Variants in WWOX observed in about 807,000 individuals in gnomAD.
WWOX encodes the protein WW domain-containing oxidoreductase.
A neutral mutation model predicts 46.2 loss-of-function variants in WWOX; 69 were observed. That is an observed-to-expected ratio of 1.49 (90% confidence interval 1.23 to 1.82). The LOEUF is 1.82. WWOX is among the 40% of genes most tolerant of loss of function. The pLI is 0.00. For synonymous variants in WWOX, 359 were observed against 202.6 expected, an observed-to-expected ratio of 1.77 and a Z score of -6.56; for missense variants, 919 against 542.6, an observed-to-expected ratio of 1.69 and a Z score of -6.89.
chr16:78,960,396 G>A (rs1253997871), intron 8 of WWOX, among the ~76,000 whole-genome samples: 1 of 152,196 alleles, frequency 6.6e-6, no homozygotes, highest in Non-Finnish European at 1.5e-5. Context: ...CTGTCCTTCA[G>A]CCATCTAGAC....
chr16:78,632,247 A>G (rs117634019), intron 8 of WWOX, among the ~76,000 whole-genome samples: 42 of 152,284 alleles, frequency 2.8e-4, no homozygotes, highest in Middle Eastern at 3.4e-3. Context: ...TAATACTACT[A>G]GTATTTGCTT....
intron 8 of WWOX, among the ~76,000 whole-genome samples, chr16:78,707,537 C>G (rs2046610812): frequency 6.6e-6 from 1 of 152,140 alleles, no homozygotes; most frequent in South Asian, 2.1e-4. Flanking sequence ...CTTGCCATAT[C>G]AGGAACCGAA....
intron 8 of WWOX, among the ~76,000 whole-genome samples, chr16:78,679,291 C>G (rs1416914347): frequency 6.6e-6 from 1 of 152,190 alleles, no homozygotes; most frequent in Admixed American, 6.5e-5. Context: ...TGGGTTGCGC[C>G]TGTAATCCCA....
At chr16:78,439,101 C>T (rs531071597) in intron 8 of WWOX, among the ~76,000 whole-genome samples, 2 of 152,130 alleles carry the variant, frequency 1.3e-5, no homozygotes, top group African/African-American at 2.4e-5. Flanking sequence ...GGGCAAAGCC[C>T]CCTGTTTGAA....
intron 4 of WWOX, chr16:78,145,943 C>T (rs2034183944): frequency 6.6e-6 from 1 of 152,140 alleles, no homozygotes; most frequent in Admixed American, 6.5e-5. Context: ...CGTAAGATTC[C>T]TGATCTGTTT....
At chr16:79,015,306 G>C (rs1426170497) in intron 8 of WWOX, among the ~76,000 whole-genome samples, 1 of 152,212 alleles carries the variant, frequency 6.6e-6, no homozygotes, top group Non-Finnish European at 1.5e-5. Flanking sequence ...AGATGAAGTT[G>C]AGATGAACAG....
intron 5 of WWOX, among the ~76,000 whole-genome samples, chr16:78,256,149 CAAAAA>C (rs10557567): frequency 3.2e-4 from 21 of 65,464 alleles, no homozygotes; most frequent in Admixed American, 1.2e-3. Flanking sequence ...GACTCCATCT[CAAAAA>C]AAAAAAAAAA....
rs551728913 is a variant in WWOX at position 78,516,533 on chromosome 16, A to G, written c.1056+83781A>G. Among the ~76,000 whole-genome samples, 15 of 152,230 alleles carry G rather than the reference A, an allele frequency of 9.9e-5. No homozygotes were observed. The South Asian group carries it at 3.1e-3, about 32-fold the overall frequency. ...CATCTCTTCAAATATCTGAACTCAGATTTCCTCTGTGATGTTGGAATCTTT... is the reference window on the plus strand; with the variant it reads ...CATCTCTTCAAATATCTGAACTCAGGTTTCCTCTGTGATGTTGGAATCTTT... On this transcript the variant is annotated intron_variant, in intron 8 of 8. Coordinates refer to ENST00000566780, the MANE Select transcript of WWOX (RefSeq NM_016373.4).
intron 5 of WWOX, among the ~76,000 whole-genome samples, chr16:78,248,429 C>T (rs1214243760): frequency 2.0e-5 from 3 of 152,280 alleles, no homozygotes; most frequent in South Asian, 4.1e-4. Context: ...CCACCTCCAA[C>T]GTTAGGGATT....
At chr16:78,557,689 AT>A (rs34068363) in intron 8 of WWOX, among the ~76,000 whole-genome samples, 13,263 of 96,500 alleles carry the variant, frequency 0.14, 496 homozygotes, top group South Asian at 0.18. Flanking sequence ...CTAGGGAAGG[AT>A]TTTTTTTTTT....
intron 5 of WWOX, chr16:78,280,891 T>G (rs1172719872): frequency 1.3e-5 from 2 of 153,130 alleles, no homozygotes; most frequent in Non-Finnish European, 2.9e-5. Flanking sequence ...TTTGGAAAAA[T>G]CGGATTCATC....
At chr16:78,956,547 T>C (rs542156747) in intron 8 of WWOX, among the ~76,000 whole-genome samples, 1 of 152,250 alleles carries the variant, frequency 6.6e-6, no homozygotes, top group East Asian at 1.9e-4. Flanking sequence ...ATATATATTC[T>C]GTGGGTTTTC....
chr16:78,105,453 T>C (rs1465929448), intron 1 of WWOX, among the ~76,000 whole-genome samples: 1 of 134,054 alleles, frequency 7.5e-6, no homozygotes, highest in Non-Finnish European at 1.6e-5. Context: ...AGTGAGACTC[T>C]GTCTCAAAAA....
intron 8 of WWOX, among the ~76,000 whole-genome samples, chr16:78,958,033 T>C (rs1176011769): frequency 6.6e-6 from 1 of 152,244 alleles, no homozygotes; most frequent in Non-Finnish European, 1.5e-5. Flanking sequence ...AGCTGTTTTC[T>C]GGCGCGTGGT....
At chr16:78,875,919 A>G (rs934235045) in intron 8 of WWOX, among the ~76,000 whole-genome samples, 2 of 152,176 alleles carry the variant, frequency 1.3e-5, no homozygotes, top group African/African-American at 2.4e-5. Context: ...GATACCATTT[A>G]GCCTATTAGT....
intron 8 of WWOX, among the ~76,000 whole-genome samples, chr16:78,888,936 C>G (rs1171014047): frequency 3.3e-5 from 5 of 150,238 alleles, no homozygotes; most frequent in Non-Finnish European, 5.9e-5. Flanking sequence ...CCTTTTTCCC[C>G]AAGCCCCATA....
intron 8 of WWOX, among the ~76,000 whole-genome samples, chr16:78,610,327 G>GA (rs1227043913): frequency 2.0e-5 from 3 of 151,956 alleles, no homozygotes; most frequent in Admixed American, 6.6e-5. Flanking sequence ...CATAGAGGGG[G>GA]AAAAAAAGAT....
chr16:78,684,872 C>G (rs1490867057), intron 8 of WWOX, among the ~76,000 whole-genome samples: 1 of 152,146 alleles, frequency 6.6e-6, no homozygotes, highest in Non-Finnish European at 1.5e-5. Context: ...ATTCATCACT[C>G]CTTTTATAGT....
chr16:78,238,400 G>A (rs2037514273), intron 5 of WWOX, among the ~76,000 whole-genome samples: 1 of 151,324 alleles, frequency 6.6e-6, no homozygotes, highest in Non-Finnish European at 1.5e-5. Flanking sequence ...CCCGGGCTCA[G>A]GCGATCTTCC....
Sources: gnomAD v4.1 joint callset for allele counts (sites outside exome capture counted in the v4.1 genomes callset) on GRCh38, gnomAD v4.1.1 for gene constraint, MANE v1.5 for transcripts, NCBI Gene and HGNC (gene_info 2026-07-23, HGNC 2026-07-21) for gene names.